Variants in FTCDNL1 observed in about 807,000 individuals in gnomAD.
FTCDNL1 encodes the protein formiminotransferase N-terminal subdomain-containing protein.
Under a neutral mutation model 5.9 loss-of-function variants are expected in FTCDNL1, and 11 were observed. The observed-to-expected ratio is 1.87, with a 90% CI of 1.18 to 3.10. The LOEUF (loss-of-function observed/expected upper bound fraction) is 3.10, where lower values mean the gene tolerates loss of function less well. Among genes scored for constraint, FTCDNL1 ranks in the 30% most tolerant of loss-of-function variants. The pLI is 0.00. For synonymous variants in FTCDNL1, 58 were observed against 24.8 expected (o/e 2.34, Z -3.99); for missense variants, 115 against 65.5 (o/e 1.76, Z -2.61).
chr2:199,782,017 T>A (rs1305279283), intron 3 of FTCDNL1, among the ~76,000 whole-genome samples: 1 of 152,112 alleles, frequency 6.6e-6, no homozygotes, highest in Non-Finnish European at 1.5e-5. Flanking sequence ...TCTCCTGACC[T>A]CGTGATCTTG....
chr2:199,777,747 A>G (rs1699165531), intron 3 of FTCDNL1, among the ~76,000 whole-genome samples: 1 of 152,044 alleles, frequency 6.6e-6, no homozygotes, highest in Admixed American at 6.5e-5. Context: ...CTTGGGAAAG[A>G]GGCTGCTTAG....
At chr2:199,711,554 T>C in the FTCDNL1 span, among the ~76,000 whole-genome samples, 2 of 152,166 alleles carry the variant, frequency 1.3e-5, no homozygotes, top group African/African-American at 2.4e-5. Context: ...TATTCTATTA[T>C]GGTATTTGGT....
Position 199,827,704 on chromosome 2 carries a change from C to T in FTCDNL1, c.212-7947G>A, listed in dbSNP as rs150484826. On this transcript the variant is annotated intron_variant, in intron 3 of 4. Transcript: ENST00000420128. ...AAGAAAAAGAAACTATCCCATAGGA[C>T]GGATAGAGATTGCATAAATTAAGAA... Among the ~76,000 whole-genome samples the T allele has an allele frequency of 6.6e-5, 10 of 152,108 alleles. No homozygotes were observed. In the East Asian group the frequency reaches 7.7e-4, roughly 12 times the overall value.
At chr2:199,803,089 G>C (rs1700541137) in intron 3 of FTCDNL1, among the ~76,000 whole-genome samples, 1 of 150,726 alleles carries the variant, frequency 6.6e-6, no homozygotes, top group African/African-American at 2.4e-5. Flanking sequence ...AGCTACTCGG[G>C]AGGCTGAGGT....
rs545267148 is a variant in FTCDNL1, at chr2:199,772,570, G to A, written c.212-11735C>T. 3.7e-4 allele frequency among the ~76,000 whole-genome samples: 57 copies of A among 152,182 alleles called. 1 individual carries two copies. Among genetic ancestry groups the A allele is most frequent in the African/African-American group, 6.0e-4 (25 of 41,518 alleles). On this transcript the variant is annotated intron_variant, in intron 3 of 3. Coordinates refer to the FTCDNL1 transcript ENST00000416668. ...CCATGACCCCACACTCTGAATCATC[G>A]TGGGGTTTATCTCCCACCCTCTGAA...
At chr2:199,830,557 G>A (rs768841708) in intron 3 of FTCDNL1, among the ~76,000 whole-genome samples, 14 of 151,966 alleles carry the variant, frequency 9.2e-5, no homozygotes, top group South Asian at 2.1e-4. Context: ...ACCAGTATTC[G>A]TCCCATATGC....
rs1476004633 is a variant in FTCDNL1, at chr2:199,812,169, G to C, written c.*536C>G. 6.6e-6 allele frequency among the ~76,000 whole-genome samples: 1 copy of C among 152,102 alleles called. No homozygotes were observed. The highest frequency in any genetic ancestry group is 1.5e-5 in the Non-Finnish European group (1 of 68,016). On this transcript the variant is annotated 3_prime_UTR_variant, in exon 5 of 5. Coordinates refer to ENST00000420128, the MANE Select transcript of FTCDNL1 (RefSeq NM_001363886.2). ...TTCTTATTCAAGTAGTGATAAAACG[G>C]AGACAATTAATGAATCTGAGATGTT...
chr2:199,756,145 G>T (rs1251527522), downstream of FTCDNL1, among the ~76,000 whole-genome samples: 2 of 152,154 alleles, frequency 1.3e-5, no homozygotes, highest in African/African-American at 2.4e-5. Flanking sequence ...TTTCATTGGG[G>T]TAATATGAGG....
chr2:199,777,920 T>C (rs963852933), intron 3 of FTCDNL1, among the ~76,000 whole-genome samples: 6 of 152,058 alleles, frequency 3.9e-5, no homozygotes, highest in Non-Finnish European at 7.4e-5. Flanking sequence ...GCTTAAAAGA[T>C]ATCAAAAAAT....
chr2:199,723,540 T>A, the FTCDNL1 span, among the ~76,000 whole-genome samples: 1 of 152,206 alleles, frequency 6.6e-6, no homozygotes, highest in Non-Finnish European at 1.5e-5. Context: ...TGGCTCTTAT[T>A]GTTTTGAAAT....
At chr2:199,705,474 C>A in the FTCDNL1 span, among the ~76,000 whole-genome samples, 1 of 152,144 alleles carries the variant, frequency 6.6e-6, no homozygotes, top group Non-Finnish European at 1.5e-5. Flanking sequence ...TTGTATACTG[C>A]AACCTTACTA....
the FTCDNL1 span, among the ~76,000 whole-genome samples, chr2:199,721,496 G>A: frequency 2.8e-4 from 43 of 152,182 alleles, no homozygotes; most frequent in Admixed American, 2.4e-3. Flanking sequence ...CACAGTATAC[G>A]TGCCACATTT....
intron 3 of FTCDNL1, among the ~76,000 whole-genome samples, chr2:199,785,352 A>G (rs1341387650): frequency 7.3e-6 from 1 of 137,578 alleles, no homozygotes; most frequent in South Asian, 2.4e-4. Context: ...GGTTCACGCC[A>G]TTCTCCTGCC....
chr2:199,732,559 C>T, the FTCDNL1 span, among the ~76,000 whole-genome samples: 4 of 150,832 alleles, frequency 2.7e-5, no homozygotes, highest in Non-Finnish European at 5.9e-5. Flanking sequence ...TGTTACAGGG[C>T]AGTCATAAAA....
chr2:199,750,764 C>G, the FTCDNL1 span, among the ~76,000 whole-genome samples: 1 of 152,234 alleles, frequency 6.6e-6, no homozygotes, highest in South Asian at 2.1e-4. Context: ...AAATTCTGAA[C>G]TTTTGAATGA....
At chr2:199,706,779 G>A in the FTCDNL1 span, among the ~76,000 whole-genome samples, 2 of 152,148 alleles carry the variant, frequency 1.3e-5, no homozygotes, top group Admixed American at 1.3e-4. Flanking sequence ...GACCTTCAAG[G>A]CCACCCCTGA....
At chr2:199,795,616 G>C (rs999455574) in intron 3 of FTCDNL1, among the ~76,000 whole-genome samples, 1 of 152,114 alleles carries the variant, frequency 6.6e-6, no homozygotes, top group Admixed American at 6.6e-5. Context: ...GCACACAGTA[G>C]ATCAACAAAT....
intron 3 of FTCDNL1, among the ~76,000 whole-genome samples, chr2:199,789,844 T>C (rs1381399081): frequency 6.6e-6 from 1 of 152,120 alleles, no homozygotes; most frequent in African/African-American, 2.4e-5. Flanking sequence ...CAGGAAAATA[T>C]TATATTTACA....
chr2:199,783,295 T>A (rs1322055708), intron 3 of FTCDNL1, among the ~76,000 whole-genome samples: 2 of 152,240 alleles, frequency 1.3e-5, no homozygotes, highest in Non-Finnish European at 2.9e-5. Flanking sequence ...ATGTAGAATA[T>A]CTACTTTAGT....
Sources: allele counts gnomAD v4.1 joint callset (sites outside exome capture counted in the v4.1 genomes callset), GRCh38; gene constraint gnomAD v4.1.1; transcripts MANE v1.5; gene names NCBI Gene and HGNC (gene_info 2026-07-23, HGNC 2026-07-21).